The following EVX1 variants were observed in gnomAD, a reference collection of about 807,000 sequenced individuals.
The protein encoded by EVX1 is even-skipped homeobox 1, also known as homeobox even-skipped homolog protein 1.
In EVX1, 19 loss-of-function variants were observed where a neutral mutation model predicts 28.6. That is an observed-to-expected ratio of 0.67 (90% CI 0.46 to 0.98). EVX1 has a LOEUF of 0.98. EVX1 is among the 50% of genes least tolerant of loss of function. The pLI, the probability that EVX1 is intolerant of heterozygous loss-of-function variation, is 0.00. For synonymous variants in EVX1, 324 were observed against 278.2 expected (o/e 1.16, Z -1.64); for missense variants, 660 against 583.0 (o/e 1.13, Z -1.36).
At position 27,245,934 on chromosome 7, in the gene EVX1, A is replaced by C. The variant is rs773011345; in HGVS notation, c.733A>C (p.Met245Leu). The change falls in exon 3 of 3, where the codon ATG becomes CTG. Residue 245 changes from methionine (M) to leucine (L), a missense_variant. Physicochemically the swap from Met to Leu is conservative, Grantham distance 15. Transcript: ENST00000496902. ...RMKDKRQRLA[M>L]TWPHPADPAF... is the part of the protein sequence containing the mutation. ...GAAGGACAAGCGGCAGCGCCTGGCC[A>C]TGACGTGGCCGCACCCGGCGGACCC... is the stretch of plus-strand genomic sequence containing the variant. The C allele has an allele frequency of 2.5e-6, 4 of 1,611,372 alleles. No individual in the cohort carries two copies. The highest frequency in any genetic ancestry group is 1.7e-6 in the Non-Finnish European group (2 of 1,179,846).
Position 27,246,263 on chromosome 7 carries a change from C to A in EVX1, c.1062C>A (p.Ser354Arg), listed in dbSNP as rs769990490. The change falls in exon 3 of 3, where the codon AGC (serine) becomes AGA (arginine). Residue 354 changes from serine (S) to arginine (R), a missense_variant. Ser to Arg is a moderately radical substitution (Grantham distance 110, BLOSUM62 -1). Around this residue, in one of 3 missense-constraint regions of EVX1, gnomAD observed 299 missense variants for 241.3 expected, o/e 1.24. Transcript: ENST00000496902. The stretch of plus-strand genomic sequence containing the variant: ...CCTGCTCCTGCCTCGCCTGTCACAG[C>A]GGCCCGGCCAACGGGCTGGCGCCCC... ...GGPCSCLACH[S>R]GPANGLAPRA... 1.2e-5 allele frequency: 18 copies of A among 1,559,566 alleles called. No homozygotes were observed. In the African/African-American group the frequency reaches 1.2e-4, roughly 11 times the overall value.
rs1272976061 is a variant in EVX1 at position 27,245,282 on chromosome 7, A to C, written c.662A>C (p.Asn221Thr). ...PRRCELAAAL[N>T]LPETTIKVWF... ...AGATGTGAGCTGGCGGCCGCCCTAAACCTGCCGGAAACCACCATCAAGGTA... is the reference window on the plus strand; with the variant it reads ...AGATGTGAGCTGGCGGCCGCCCTAACCCTGCCGGAAACCACCATCAAGGTA... Residue 221 changes from asparagine to threonine, a missense_variant, in exon 2 of 3, where the codon AAC (asparagine) becomes ACC (threonine). Physicochemically the swap from Asn to Thr is moderately conservative, Grantham distance 65. Transcript: ENST00000496902. 6.2e-7 allele frequency: 1 copy of C among 1,613,198 alleles called. No individual in the cohort carries two copies. Among genetic ancestry groups the C allele is most frequent in the Non-Finnish European group, 8.5e-7 (1 of 1,180,014 alleles).
chr7:27,243,475 C>T lies in EVX1; in HGVS notation c.427+18C>T, dbSNP rs760714073. ...CAGCAAAGGTAGCCACCGTGCCCCT[C>T]CGCTCCCCGGGCCTCCCACTGCGCC... On this transcript the variant is annotated intron_variant, in intron 1 of 2. Coordinates refer to ENST00000496902, the MANE Select transcript of EVX1 (RefSeq NM_001989.5). The T allele has an allele frequency of 3.9e-6, 6 of 1,556,154 alleles. No homozygotes were observed. The highest frequency in any genetic ancestry group is 4.3e-6 in the Non-Finnish European group (5 of 1,154,454).
Position 27,245,950 on chromosome 7 carries a change from C to A in EVX1, c.749C>A (p.Pro250Gln). The A allele has an allele frequency of 6.2e-7, 1 of 1,609,790 alleles. No homozygotes were observed. Among genetic ancestry groups the A allele is most frequent in the Non-Finnish European group, 8.5e-7 (1 of 1,179,884 alleles). ...RQRLAMTWPH[P>Q]ADPAFYTYMM... ...CGCCTGGCCATGACGTGGCCGCACCCGGCGGACCCCGCCTTCTACACTTAC... is the reference window on the plus strand; with the variant it reads ...CGCCTGGCCATGACGTGGCCGCACCAGGCGGACCCCGCCTTCTACACTTAC... The change falls in exon 3 of 3, where the codon CCG (proline) becomes CAG (glutamine). Residue 250 changes from proline (P) to glutamine (Q), a missense_variant. This residue lies in a region of EVX1 where 299 missense variants were observed against 241.3 expected (regional missense o/e 1.24). Transcript: ENST00000496902.
rs773254979 is a variant in EVX1, at chr7:27,246,670, C to A, written c.*245C>A. ...AAGCAGAGCTTGAGAGACCTTCCTC[C>A]GGGGCAGCCTCCGGACCCACCGCCC... On this transcript the variant is annotated 3_prime_UTR_variant, in exon 3 of 3. Coordinates refer to ENST00000496902, the MANE Select transcript of EVX1 (RefSeq NM_001989.5). The A allele has an allele frequency of 7.6e-6, 4 of 523,640 alleles. No individual in the cohort carries two copies. Among genetic ancestry groups the A allele is most frequent in the Admixed American group, 8.2e-5 (2 of 24,384 alleles). 32.4% of individuals were successfully genotyped at this position (523,640 alleles called of 1,614,324 possible).
chr7:27,244,981 A>G, intron 1 of EVX1, 67 bp from the exon 2 acceptor site: 2 of 1,557,612 alleles, frequency 1.3e-6, no homozygotes, highest in Non-Finnish European at 8.7e-7. Flanking sequence ...TTAGGCCTAC[A>G]GCCCCACTTC....
Position 27,244,402 on chromosome 7 carries a change from G to A in EVX1, c.428-646G>A, listed in dbSNP as rs376846283. The A allele has an allele frequency of 1.6e-4, 114 of 726,898 alleles. 1 individual carries two copies. The East Asian group carries it at 0.011, about 73-fold the overall frequency. 45.0% of individuals were successfully genotyped at this position (726,898 alleles called of 1,614,324 possible). On this transcript the variant is annotated intron_variant, in intron 1 of 2. Coordinates refer to ENST00000496902, the MANE Select transcript of EVX1 (RefSeq NM_001989.5). The stretch of plus-strand genomic sequence containing the variant: ...GGGAGAAAGACCACCCCCTGGTCTT[G>A]GCAGCCAACGCCTTGTTGAATACCT...
At chr7:27,243,565 G>A (rs1250245847) in intron 1 of EVX1, 108 bp downstream of exon 1, 3 of 1,239,172 alleles carry the variant, frequency 2.4e-6, no homozygotes, top group Non-Finnish European at 3.3e-6. Context: ...GATGGCTGGG[G>A]GGACCCACCT....
intron 1 of EVX1, chr7:27,244,507 A>C (rs1783117174): frequency 7.1e-6 from 7 of 988,714 alleles, no homozygotes; most frequent in Non-Finnish European, 8.4e-6. Flanking sequence ...GACTCCACTC[A>C]CATATACTAA....
At position 27,246,958 on chromosome 7, in the gene EVX1, T is replaced by C. The variant is rs1285058294; in HGVS notation, c.*533T>C. On this transcript the variant is annotated 3_prime_UTR_variant, in exon 3 of 3. Transcript: ENST00000496902. ...GACAAGGGGCTGGTGGATGGCAACA[T>C]ACCAGTCATTTGGAGGAGAGAGTGA... is the stretch of plus-strand genomic sequence containing the variant. The C allele has an allele frequency of 6.4e-6, 1 of 157,404 alleles. No individual in the cohort carries two copies. The highest frequency in any genetic ancestry group is 1.4e-5 in the Non-Finnish European group (1 of 72,208). 9.8% of individuals were successfully genotyped at this position (157,404 alleles called of 1,614,324 possible). A position where few individuals can be genotyped will look rare whatever the true frequency, so the allele number is the denominator to read the frequency against.
chr7:27,245,351 G>C (rs1783142043), intron 2 of EVX1, 47 bp downstream of exon 2: 1 of 1,600,718 alleles, frequency 6.2e-7, no homozygotes, highest in Non-Finnish European at 8.5e-7. Context: ...CTATTTAGCG[G>C]GAAGTAAATG....
At chr7:27,245,594 A>G (rs921887756) in intron 2 of EVX1, among the ~76,000 whole-genome samples, 1 of 152,076 alleles carries the variant, frequency 6.6e-6, no homozygotes, top group South Asian at 2.1e-4. Flanking sequence ...CCGCAGACCA[A>G]TTGAGTCCAT....
chr7:27,243,672 G>A, intron 1 of EVX1: 1 of 517,624 alleles, frequency 1.9e-6, no homozygotes, highest in Admixed American at 3.9e-5. Flanking sequence ...TGAGTGCGGG[G>A]TGCTGAGGGG....
intron 1 of EVX1, chr7:27,243,763 T>A (rs1783092531): frequency 3.3e-6 from 1 of 301,440 alleles, no homozygotes; most frequent in African/African-American, 2.2e-5. Flanking sequence ...AATGCTTCAA[T>A]TGCTCGGGGA....
Position 27,243,079 on chromosome 7 carries a change from G to C in EVX1, c.49G>C (p.Gly17Arg). The change falls in exon 1 of 3, where the codon GGC becomes CGC. Residue 17 changes from glycine (G) to arginine (R), a missense_variant. Gly to Arg is a moderately radical substitution (Grantham distance 125). Coordinates refer to ENST00000496902, the MANE Select transcript of EVX1 (RefSeq NM_001989.5). ...MVVFLDGGQL[G>R]TLVGKRVSNL... ...TGTGTTTCTGGATGGGGGTCAGCTT[G>C]GCACTCTGGTTGGCAAGAGAGTCTC... 1 of 1,612,098 alleles carries C rather than the reference G, an allele frequency of 6.2e-7. No individual in the cohort carries two copies. Among genetic ancestry groups the C allele is most frequent in the Non-Finnish European group, 8.5e-7 (1 of 1,179,214 alleles).
Position 27,246,104 on chromosome 7 carries a change from C to A in EVX1, c.903C>A (p.Ser301Arg), listed in dbSNP as rs1783174179. ...SAASAAASPFSGSLRPLDTFR... is the reference protein window; with the variant it reads ...SAASAAASPFRGSLRPLDTFR... ...CCTCCGCCGCCGCCTCGCCCTTCAG[C>A]GGCTCGCTGCGCCCGCTCGACACGT... Residue 301 changes from serine to arginine, a missense_variant, in exon 3 of 3, where the codon AGC (serine) becomes AGA (arginine). Ser to Arg is a moderately radical substitution (Grantham distance 110, BLOSUM62 -1). Coordinates refer to ENST00000496902, the MANE Select transcript of EVX1 (RefSeq NM_001989.5). The A allele has an allele frequency of 1.3e-6, 2 of 1,550,664 alleles. No homozygotes were observed. Among genetic ancestry groups the A allele is most frequent in the Non-Finnish European group, 1.7e-6 (2 of 1,157,586 alleles).
In EVX1 at chr7:27,246,446, G is replaced by C; in HGVS notation, c.*21G>C. On this transcript the variant is annotated 3_prime_UTR_variant, in exon 3 of 3. Transcript: ENST00000496902. Reference sequence around the variant, plus strand: ...GATAAGGGGCCGCCGGCTGGCTGCCGGCTCCATGACGCCCGTGGGGTCACC... The same window carrying C: ...GATAAGGGGCCGCCGGCTGGCTGCCCGCTCCATGACGCCCGTGGGGTCACC... 2 of 1,582,764 alleles carry C rather than the reference G, an allele frequency of 1.3e-6. No homozygotes were observed. The highest frequency in any genetic ancestry group is 1.7e-6 in the Non-Finnish European group (2 of 1,172,206).
Position 27,246,529 on chromosome 7 carries a change from A to G in EVX1, c.*104A>G, listed in dbSNP as rs1010169992. The G allele has an allele frequency of 8.4e-7, 1 of 1,193,224 alleles. No homozygotes were observed. Among genetic ancestry groups the G allele is most frequent in the African/African-American group, 1.6e-5 (1 of 62,720 alleles). 73.9% of individuals were successfully genotyped at this position (1,193,224 alleles called of 1,614,324 possible). Reference sequence around the variant, plus strand: ...TCGCTCCTCGCTCCTCGCCCCTAGGACGCCAAGGGGGAAAGGAGAGGGCGG... The same window carrying G: ...TCGCTCCTCGCTCCTCGCCCCTAGGGCGCCAAGGGGGAAAGGAGAGGGCGG... On this transcript the variant is annotated 3_prime_UTR_variant, in exon 3 of 3. Coordinates refer to ENST00000496902, the MANE Select transcript of EVX1 (RefSeq NM_001989.5).
chr7:27,246,233 C>A lies in EVX1; in HGVS notation c.1032C>A (p.Gly344=), dbSNP rs1256133888. 4.6e-6 allele frequency: 7 copies of A among 1,520,068 alleles called. No individual in the cohort carries two copies. Among genetic ancestry groups the A allele is most frequent in the Admixed American group, 2.0e-5 (1 of 49,140 alleles). 94.2% of individuals were successfully genotyped at this position (1,520,068 alleles called of 1,614,324 possible). ...GPAHGLGASA[G]GPCSCLACHS... ...CGCACGGACTGGGCGCCTCTGCCGG[C>A]GGCCCCTGCTCCTGCCTCGCCTGTC... Residue 344 remains glycine, a synonymous_variant, in exon 3 of 3, where the codon GGC becomes GGA. Transcript: ENST00000496902.
Sources: gnomAD v4.1 joint callset for allele counts (sites outside exome capture counted in the v4.1 genomes callset) on GRCh38, gnomAD v4.1.1 for gene constraint, gnomAD v4.1.1 regional missense constraint, MANE v1.5 for transcripts, NCBI Gene and HGNC (gene_info 2026-07-23, HGNC 2026-07-21) for gene names.